ZNF697: variants seen among roughly 807,000 people sequenced by gnomAD.
ZNF697 encodes the protein zinc finger protein 697.
ZNF697 carries 23 observed loss-of-function variants against 32.4 expected under a neutral mutation model. That is an observed-to-expected ratio of 0.71 (90% CI 0.51 to 1.01). ZNF697 has a LOEUF of 1.01. ZNF697 is among the 50% of genes least tolerant of loss of function. ZNF697 has a pLI of 0.00. For synonymous variants in ZNF697, 418 were observed against 337.2 expected, an observed-to-expected ratio of 1.24 and a Z score of -2.62; for missense variants, 930 against 794.0, an observed-to-expected ratio of 1.17 and a Z score of -2.06.
intron 1 of ZNF697, among the ~76,000 whole-genome samples, chr1:119,646,107 C>T (rs889657223): frequency 6.6e-6 from 1 of 152,110 alleles, no homozygotes; most frequent in African/African-American, 2.4e-5. Context: ...TTCAATCCAG[C>T]CGCATCAATC....
Position 119,621,104 on chromosome 1 carries a change from A to C in ZNF697, c.*1601T>G, listed in dbSNP as rs938339064. ...AATGGAACATAGCTAGGATACCCTA[A>C]TTAGGCGACAAAGACCAGCTTTGTC... On this transcript the variant is annotated 3_prime_UTR_variant, in exon 3 of 3. Transcript: ENST00000421812. The C allele has an allele frequency of 1.3e-5, 2 of 152,176 alleles. No individual in the cohort carries two copies. Among genetic ancestry groups the C allele is most frequent in the Admixed American group, 6.5e-5 (1 of 15,286 alleles). 9.4% of individuals were successfully genotyped at this position (152,176 alleles called of 1,614,324 possible).
rs774936367 is a variant in ZNF697 at position 119,623,065 on chromosome 1, C to A, written c.1278G>T (p.Thr426=). The change falls in exon 3 of 3, where the codon ACG becomes ACT. Residue 426 remains threonine (T), a synonymous_variant. Coordinates refer to ENST00000421812, the MANE Select transcript of ZNF697 (RefSeq NM_001080470.2). ...ETFSVSSHLF[T]HKRTHSGERP... is the part of the protein sequence containing the mutation. ...GCTCACCCGAGTGCGTGCGCTTGTG[C>A]GTGAAGAGGTGCGAGCTGACGCTGA... 3 of 1,583,936 alleles carry A rather than the reference C, an allele frequency of 1.9e-6. No homozygotes were observed. The highest frequency in any genetic ancestry group is 2.3e-5 in the East Asian group (1 of 42,980).
rs1648321680 is a variant in ZNF697, at chr1:119,621,776, T to C, written c.*929A>G. The C allele has an allele frequency of 6.6e-6, 1 of 152,244 alleles. No individual in the cohort carries two copies. The highest frequency in any genetic ancestry group is 2.1e-4 in the South Asian group (1 of 4,832). 9.4% of individuals were successfully genotyped at this position (152,244 alleles called of 1,614,324 possible). A position where few individuals can be genotyped will look rare whatever the true frequency, so the allele number is the denominator to read the frequency against. ...TTTTTAGCAGGTCACTGGGCAACTGTTGGTCTAAAGTTCACTTGAAACACC... is the reference window on the plus strand; with the variant it reads ...TTTTTAGCAGGTCACTGGGCAACTGCTGGTCTAAAGTTCACTTGAAACACC... On this transcript the variant is annotated 3_prime_UTR_variant, in exon 3 of 3. Transcript: ENST00000421812.
chr1:119,641,999 C>G (rs1357366578), intron 1 of ZNF697, among the ~76,000 whole-genome samples: 1 of 152,192 alleles, frequency 6.6e-6, no homozygotes, highest in African/African-American at 2.4e-5. Flanking sequence ...CAAGATGCCA[C>G]TACTCGCTCA....
chr1:119,642,005 G>A (rs781299695), intron 1 of ZNF697, among the ~76,000 whole-genome samples: 1 of 152,078 alleles, frequency 6.6e-6, no homozygotes, highest in Non-Finnish European at 1.5e-5. Flanking sequence ...GCCACTACTC[G>A]CTCATTAGAA....
chr1:119,640,282 C>T (rs1649032375), intron 1 of ZNF697, among the ~76,000 whole-genome samples: 1 of 152,138 alleles, frequency 6.6e-6, no homozygotes, highest in Admixed American at 6.5e-5. Context: ...TTCTTCCCCT[C>T]GGTCTCAAAA....
chr1:119,621,680 C>T lies in ZNF697; in HGVS notation c.*1025G>A, dbSNP rs12081887. The T allele has an allele frequency of 0.35, 53,506 of 152,086 alleles. 9,898 individuals are homozygous for T. Among genetic ancestry groups the T allele is most frequent in the East Asian group, 0.65 (3,343 of 5,156 alleles). 9.4% of individuals were successfully genotyped at this position (152,086 alleles called of 1,614,324 possible). ...GAAGGCAAATGAGACCAAGGAGTCT[C>T]GCATCCCAAAAAAGTGAACACTTTC... On this transcript the variant is annotated 3_prime_UTR_variant, in exon 3 of 3. Coordinates refer to ENST00000421812, the MANE Select transcript of ZNF697 (RefSeq NM_001080470.2).
At chr1:119,630,046 C>T (rs12087022) in intron 1 of ZNF697, among the ~76,000 whole-genome samples, 3,728 of 152,274 alleles carry the variant, frequency 0.024, 58 homozygotes, top group Middle Eastern at 0.082. Flanking sequence ...GCTCTCCTTC[C>T]CCCAATAAGA....
chr1:119,622,514 C>CA lies in ZNF697; in HGVS notation c.*190dup, dbSNP rs1204219442. The CA allele has an allele frequency of 4.7e-6, 5 of 1,073,536 alleles. No homozygotes were observed. In the African/African-American group the frequency reaches 8.0e-5, roughly 17 times the overall value. 66.5% of individuals were successfully genotyped at this position (1,073,536 alleles called of 1,614,324 possible). On this transcript the variant is annotated 3_prime_UTR_variant, in exon 3 of 3. Transcript: ENST00000421812. ...GAACAATTCTTCCGTGGAGAGGAGG[C>CA]AAGTATAGCACCGGGAAAGACCAAC...
intron 2 of ZNF697, among the ~76,000 whole-genome samples, chr1:119,625,055 G>C (rs200218588): frequency 6.6e-6 from 1 of 151,982 alleles, no homozygotes; most frequent in East Asian, 1.9e-4. Flanking sequence ...CCAGGTTAGA[G>C]GCTGATCCAG....
intron 1 of ZNF697, among the ~76,000 whole-genome samples, chr1:119,638,305 A>C (rs1040830798): frequency 2.0e-5 from 3 of 152,226 alleles, no homozygotes; most frequent in Non-Finnish European, 4.4e-5. Flanking sequence ...GGGCTTCCAG[A>C]TGGGACAACC....
chr1:119,641,345 CA>C (rs1009851770), intron 1 of ZNF697, among the ~76,000 whole-genome samples: 46 of 151,990 alleles, frequency 3.0e-4, no homozygotes, highest in Non-Finnish European at 4.4e-5. Context: ...ATCTGGCACA[CA>C]TCCCCCCCTA....
intron 1 of ZNF697, among the ~76,000 whole-genome samples, chr1:119,643,059 A>G (rs1390711945): frequency 6.6e-6 from 1 of 152,226 alleles, no homozygotes; most frequent in African/African-American, 2.4e-5. Context: ...AAAGCAAAAC[A>G]TTTCTTAGCA....
rs2101101060 is a variant in ZNF697 at position 119,647,714 on chromosome 1, T to A, written c.-61A>T. On this transcript the variant is annotated 5_prime_UTR_variant, in exon 1 of 3. Transcript: ENST00000421812. ...ACCTTCTCCTTGCCTTCCAAGCTCC[T>A]CCCTGGGCTTGGTTTCTCCGAGGGT... The A allele has an allele frequency of 6.6e-6, 1 of 152,574 alleles. No homozygotes were observed. The highest frequency in any genetic ancestry group is 6.5e-5 in the Admixed American group (1 of 15,308). The allele number at this position is 152,574 out of a possible 1,614,324, so 9.5% of individuals were successfully genotyped here.
intron 1 of ZNF697, among the ~76,000 whole-genome samples, chr1:119,647,378 C>T (rs1258007143): frequency 6.6e-6 from 1 of 152,192 alleles, no homozygotes; most frequent in Non-Finnish European, 1.5e-5. Context: ...TGGAATGCCT[C>T]CCGGGGCTAG....
intron 1 of ZNF697, among the ~76,000 whole-genome samples, chr1:119,647,375 C>T (rs373484735): frequency 6.6e-6 from 1 of 152,184 alleles, no homozygotes; most frequent in Non-Finnish European, 1.5e-5. Context: ...GGTTGGAATG[C>T]CTCCCGGGGC....
intron 2 of ZNF697, among the ~76,000 whole-genome samples, chr1:119,625,557 C>T (rs1311680551): frequency 6.6e-6 from 1 of 152,242 alleles, no homozygotes; most frequent in African/African-American, 2.4e-5. Context: ...CCCAATAACA[C>T]TGTGAGGTAG....
At chr1:119,636,301 A>G (rs1648917994) in intron 1 of ZNF697, among the ~76,000 whole-genome samples, 1 of 152,192 alleles carries the variant, frequency 6.6e-6, no homozygotes, top group Admixed American at 6.5e-5. Flanking sequence ...CTTTCTCCTG[A>G]TGAGAAGGCC....
At position 119,621,898 on chromosome 1, in the gene ZNF697, A is replaced by G. The variant is rs768881620; in HGVS notation, c.*807T>C. Reference sequence around the variant, plus strand: ...ACCACAGTTGAGACCTGAAAGAAATACTGGGTGTGGCACACACCTGGGATG... The same window carrying G: ...ACCACAGTTGAGACCTGAAAGAAATGCTGGGTGTGGCACACACCTGGGATG... On this transcript the variant is annotated 3_prime_UTR_variant, in exon 3 of 3. Transcript: ENST00000421812. 1 of 146,018 alleles carries G rather than the reference A, an allele frequency of 6.8e-6. No homozygotes were observed. Among genetic ancestry groups the G allele is most frequent in the South Asian group, 2.2e-4 (1 of 4,478 alleles). The allele number at this position is 146,018 out of a possible 1,614,324, so 9.0% of individuals were successfully genotyped here.
Sources: gnomAD v4.1 joint callset for allele counts (sites outside exome capture counted in the v4.1 genomes callset) on GRCh38, gnomAD v4.1.1 for gene constraint, MANE v1.5 for transcripts, NCBI Gene and HGNC (gene_info 2026-07-23, HGNC 2026-07-21) for gene names.